The following GPHN variants were observed in gnomAD, a reference collection of about 807,000 sequenced individuals.
GPHN encodes the protein gephyrin.
In GPHN, 17 loss-of-function variants were observed where a neutral mutation model predicts 95.5. That is an observed-to-expected ratio of 0.18 (90% CI 0.12 to 0.27). The LOEUF is 0.27. Among genes scored for constraint, GPHN ranks in the 10% least tolerant of loss-of-function variants. The pLI is 1.00. For synonymous variants in GPHN, 320 were observed against 322.5 expected (o/e 0.99, Z 0.08); for missense variants, 660 against 978.1 (o/e 0.67, Z 4.34).
the GPHN span, among the ~76,000 whole-genome samples, chr14:67,428,325 C>CA: frequency 1.3e-5 from 2 of 152,182 alleles, no homozygotes; most frequent in African/African-American, 4.8e-5. Context: ...CACCCACATG[C>CA]AAGGACGCCC....
chr14:66,595,810 G>A (rs1216579034), intron 1 of GPHN, among the ~76,000 whole-genome samples: 2 of 152,170 alleles, frequency 1.3e-5, no homozygotes, highest in African/African-American at 2.4e-5. Flanking sequence ...CACCTGCAAC[G>A]TGGCAAGCAA....
At chr14:67,254,775 GTAGAGGTAA>G in the GPHN span, among the ~76,000 whole-genome samples, 1 of 152,162 alleles carries the variant, frequency 6.6e-6, no homozygotes, top group East Asian at 1.9e-4. Context: ...AGCGATCTAG[GTAGAGGTAA>G]TCATCTACTA....
At chr14:67,666,826 G>A in the GPHN span, among the ~76,000 whole-genome samples, 1 of 152,164 alleles carries the variant, frequency 6.6e-6, no homozygotes, top group African/African-American at 2.4e-5. Flanking sequence ...AGGCTTTTCT[G>A]TATATTAAAC....
chr14:67,603,426 A>T, the GPHN span, among the ~76,000 whole-genome samples: 1 of 152,188 alleles, frequency 6.6e-6, no homozygotes, highest in Admixed American at 6.5e-5. Flanking sequence ...AATGTACTTT[A>T]CTTAATTTTT....
the GPHN span, chr14:67,592,325 A>G: frequency 2.3e-6 from 1 of 438,980 alleles, no homozygotes; most frequent in Non-Finnish European, 4.2e-6. Context: ...CTGTAGTCCC[A>G]AGTTCTCAGG....
At chr14:67,664,875 G>A in the GPHN span, among the ~76,000 whole-genome samples, 1 of 151,362 alleles carries the variant, frequency 6.6e-6, no homozygotes, top group Non-Finnish European at 1.5e-5. Flanking sequence ...CTTAAGACCT[G>A]GCTTTTTTTG....
At chr14:66,622,072 TG>T (rs768430599) in intron 1 of GPHN, among the ~76,000 whole-genome samples, 25 of 152,304 alleles carry the variant, frequency 1.6e-4, no homozygotes, top group Admixed American at 4.6e-4. Flanking sequence ...GCCCCACCCC[TG>T]CAGCAAACTT....
intron 3 of GPHN, among the ~76,000 whole-genome samples, chr14:66,778,383 T>A (rs1566935581): frequency 6.6e-6 from 1 of 152,040 alleles, no homozygotes; most frequent in Non-Finnish European, 1.5e-5. Flanking sequence ...CAATTGCAAT[T>A]AAAAATTTAC....
At chr14:67,225,985 G>A in the GPHN span, among the ~76,000 whole-genome samples, 6 of 150,090 alleles carry the variant, frequency 4.0e-5, no homozygotes, top group South Asian at 2.1e-4. Context: ...GTGCGCATGC[G>A]CGTGCATGCT....
chr14:67,185,750 A>G (rs1439823621), downstream of GPHN, among the ~76,000 whole-genome samples: 1 of 152,222 alleles, frequency 6.6e-6, no homozygotes, highest in African/African-American at 2.4e-5. Flanking sequence ...GATGGCTTTC[A>G]TATTTAAAAT....
At chr14:67,321,141 C>G in the GPHN span, 2 of 1,614,184 alleles carry the variant, frequency 1.2e-6, no homozygotes, top group Non-Finnish European at 1.7e-6. Flanking sequence ...GCAGACATAG[C>G]AGCTGGAAAG....
chr14:66,827,953 G>A (rs772139923), intron 4 of GPHN, among the ~76,000 whole-genome samples: 49 of 151,810 alleles, frequency 3.2e-4, no homozygotes, highest in Admixed American at 6.6e-4. Context: ...TCAGTTATTT[G>A]AAAACTATTG....
At chr14:67,642,788 A>C in the GPHN span, among the ~76,000 whole-genome samples, 6 of 33,732 alleles carry the variant, frequency 1.8e-4, no homozygotes, top group Non-Finnish European at 4.0e-4. Flanking sequence ...ATGTTACTAC[A>C]TTTTCTTTTT....
chr14:67,057,095 C>T (rs554132936), intron 10 of GPHN, among the ~76,000 whole-genome samples: 1 of 152,270 alleles, frequency 6.6e-6, no homozygotes, highest in South Asian at 2.1e-4. Context: ...AGGGAGCCGG[C>T]TCTGGCCTCG....
At chr14:66,919,460 A>C (rs2066087742) in intron 6 of GPHN, among the ~76,000 whole-genome samples, 1 of 152,130 alleles carries the variant, frequency 6.6e-6, no homozygotes. Flanking sequence ...CGAAGCCCAA[A>C]CGGGCTCAAT....
At chr14:66,977,011 T>C (rs1336927034) in intron 9 of GPHN, among the ~76,000 whole-genome samples, 1 of 151,310 alleles carries the variant, frequency 6.6e-6, no homozygotes, top group Non-Finnish European at 1.5e-5. Context: ...AAAACTATAA[T>C]CATCAGTACT....
intron 1 of GPHN, among the ~76,000 whole-genome samples, chr14:66,598,886 C>A (rs1364169798): frequency 6.6e-6 from 1 of 151,014 alleles, no homozygotes; most frequent in African/African-American, 2.4e-5. Flanking sequence ...TTTCATTCAG[C>A]CTTGCAGTTG....
the GPHN span, chr14:67,347,592 C>T: frequency 1.5e-6 from 1 of 682,578 alleles, no homozygotes. Context: ...ACCTCTGCCT[C>T]CCAGGTTCAA....
chr14:67,208,204 A>G, the GPHN span: 33,041 of 1,612,392 alleles, frequency 0.02, 1,067 homozygotes, highest in African/African-American at 0.11. Flanking sequence ...TTTTAAAGGA[A>G]AAATTGAAAA....
Sources: gnomAD v4.1 joint callset for allele counts (sites outside exome capture counted in the v4.1 genomes callset) on GRCh38, gnomAD v4.1.1 for gene constraint, MANE v1.5 for transcripts, NCBI Gene and HGNC (gene_info 2026-07-23, HGNC 2026-07-21) for gene names.